The following GRIK1 variants were observed in gnomAD, a reference collection of about 807,000 sequenced individuals.
The protein encoded by GRIK1 is glutamate receptor ionotropic, kainate 1.
Under a neutral mutation model 105.7 loss-of-function variants are expected in GRIK1, and 69 were observed. The ratio of observed to expected loss-of-function variants is 0.65; its 90% CI spans 0.54 to 0.80. GRIK1 has a LOEUF of 0.80. Ranked by LOEUF, GRIK1 falls within the 30% of genes least tolerant of loss-of-function variation. The pLI is 0.00. For missense variants in GRIK1, 1,109 were observed against 1,167.3 expected, an observed-to-expected ratio of 0.95 and a Z score of 0.73; for synonymous variants, 438 against 431.3, an observed-to-expected ratio of 1.02 and a Z score of -0.19.
At chr21:29,917,941 C>T (rs908473668) in intron 1 of GRIK1, among the ~76,000 whole-genome samples, 4 of 151,924 alleles carry the variant, frequency 2.6e-5, no homozygotes, top group African/African-American at 7.3e-5. Context: ...TTAAAACACA[C>T]ACACTTTAAT....
intron 1 of GRIK1, among the ~76,000 whole-genome samples, chr21:29,739,968 GCACATGCACA>G (rs1265081234): frequency 4.6e-5 from 7 of 152,106 alleles, no homozygotes; most frequent in African/African-American, 7.2e-5. Flanking sequence ...CAACACACAT[GCACATGCACA>G]CACATGCACA....
intron 1 of GRIK1, among the ~76,000 whole-genome samples, chr21:29,796,715 G>A (rs1053779181): frequency 1.3e-5 from 2 of 152,052 alleles, no homozygotes; most frequent in Non-Finnish European, 2.9e-5. Context: ...TTGGGAGGCC[G>A]AGGTGAGCAG....
At chr21:29,593,831 TA>T (rs2061364915) in intron 9 of GRIK1, among the ~76,000 whole-genome samples, 1 of 152,202 alleles carries the variant, frequency 6.6e-6, no homozygotes, top group Non-Finnish European at 1.5e-5. Flanking sequence ...TCTTGTAAAA[TA>T]AAACTTGAAC....
chr21:29,560,282 T>TTCTTTCTTTCTTTCTTTCTTTC lies in GRIK1; in HGVS notation c.2356+1341_2356+1342insGAAAGAAAGAAAGAAAGAAAGA, dbSNP rs55736912. ...ACCAGGACCTTATATGATACAGTTT[T>TTCTTTCTTTCTTTCTTTCTTTC]CTTTCTTTCTTTCTTTCTTTCTTTC... is the stretch of plus-strand genomic sequence containing the variant. On this transcript the variant is annotated intron_variant, in intron 15 of 17. Coordinates refer to ENST00000327783, the MANE Select transcript of GRIK1 (RefSeq NM_001330994.2). Among the ~76,000 whole-genome samples the TTCTTTCTTTCTTTCTTTCTTTC allele has an allele frequency of 1.9e-3, 81 of 41,890 alleles. 2 individuals are homozygous for TTCTTTCTTTCTTTCTTTCTTTC. The highest frequency in any genetic ancestry group is 6.8e-3 in the African/African-American group (77 of 11,294). 27.5% of individuals were successfully genotyped at this position (41,890 alleles called of 152,430 possible).
chr21:29,654,629 GAGAA>G (rs1242098304), intron 5 of GRIK1, among the ~76,000 whole-genome samples, 177 bp downstream of exon 5: 2 of 105,788 alleles, frequency 1.9e-5, no homozygotes, highest in Non-Finnish European at 3.4e-5. Context: ...AAGAAAGAAA[GAGAA>G]AGAAAGAAAG....
intron 1 of GRIK1, among the ~76,000 whole-genome samples, chr21:29,872,350 C>G (rs966689284): frequency 6.6e-6 from 1 of 151,998 alleles, no homozygotes; most frequent in South Asian, 2.1e-4. Context: ...CCCGCCATGA[C>G]GCCAGCTAAT....
intron 1 of GRIK1, among the ~76,000 whole-genome samples, chr21:29,767,804 T>TTGTA (rs1194083991): frequency 6.6e-6 from 1 of 151,652 alleles, no homozygotes; most frequent in Non-Finnish European, 1.5e-5. Flanking sequence ...CAGCTGAAAT[T>TTGTA]TGTATGTATG....
chr21:29,683,204 T>A lies in GRIK1; in HGVS notation c.544+6524A>T, dbSNP rs369783417. The stretch of plus-strand genomic sequence containing the variant: ...TGGGAGTTTAAATTAGTTCAGCCAC[T>A]GTGGGAAGCAGTTTGGAGATTTCTC... On this transcript the variant is annotated intron_variant, in intron 3 of 17. Transcript: ENST00000327783. Among the ~76,000 whole-genome samples, 8 of 152,338 alleles carry A rather than the reference T, an allele frequency of 5.3e-5. No individual in the cohort carries two copies. In the East Asian group the frequency reaches 1.2e-3, roughly 22 times the overall value.
chr21:29,763,518 TAG>T (rs2065581976), intron 1 of GRIK1: 1 of 152,394 alleles, frequency 6.6e-6, no homozygotes, highest in African/African-American at 2.4e-5. Context: ...GGGTTAGTAT[TAG>T]AGTTTACATC....
chr21:29,569,273 T>C (rs2090683829), intron 14 of GRIK1, among the ~76,000 whole-genome samples: 1 of 152,246 alleles, frequency 6.6e-6, no homozygotes, highest in South Asian at 2.1e-4. Context: ...TTATAAGTGA[T>C]AGTTACAATA....
chr21:29,768,431 C>A (rs1162983127), intron 1 of GRIK1, among the ~76,000 whole-genome samples: 1 of 152,114 alleles, frequency 6.6e-6, no homozygotes, highest in Non-Finnish European at 1.5e-5. Flanking sequence ...AAAGACGATA[C>A]AACGATGCAT....
intron 1 of GRIK1, among the ~76,000 whole-genome samples, chr21:29,805,859 T>G (rs890979539): frequency 5.3e-5 from 8 of 152,124 alleles, no homozygotes; most frequent in African/African-American, 1.7e-4. Flanking sequence ...AGTCACTGAT[T>G]GTTGCTAAAA....
intron 1 of GRIK1, among the ~76,000 whole-genome samples, chr21:29,890,819 C>T (rs1186092115): frequency 2.6e-5 from 4 of 152,008 alleles, no homozygotes; most frequent in Non-Finnish European, 2.9e-5. Flanking sequence ...AAAAAGATGC[C>T]CTTGTTACAC....
intron 1 of GRIK1, among the ~76,000 whole-genome samples, chr21:29,910,513 A>C (rs1012332512): frequency 6.6e-6 from 1 of 152,172 alleles, no homozygotes; most frequent in Non-Finnish European, 1.5e-5. Context: ...TGTCAAACAA[A>C]GTCATGGTAG....
At chr21:29,855,618 G>T (rs1215980573) in intron 1 of GRIK1, among the ~76,000 whole-genome samples, 1 of 152,212 alleles carries the variant, frequency 6.6e-6, no homozygotes, top group Non-Finnish European at 1.5e-5. Flanking sequence ...CCAAAGGAGG[G>T]TTTTAAGCAG....
At chr21:29,679,186 T>G (rs928539744) in intron 3 of GRIK1, among the ~76,000 whole-genome samples, 15 of 152,172 alleles carry the variant, frequency 9.9e-5, no homozygotes, top group Admixed American at 6.5e-4. Context: ...GGTTGATTGT[T>G]TTTTTCAATC....
chr21:29,919,869 T>C lies in GRIK1; in HGVS notation c.118+19514A>G, dbSNP rs140201530. ...TATTTTAAAAATTGATATTAAACAG[T>C]GAGGACCTCTTTGTTCCTCCATTTC... On this transcript the variant is annotated intron_variant, in intron 1 of 17. Coordinates refer to ENST00000327783, the MANE Select transcript of GRIK1 (RefSeq NM_001330994.2). 1.2e-3 allele frequency among the ~76,000 whole-genome samples: 177 copies of C among 152,298 alleles called. 1 individual carries two copies. The highest frequency in any genetic ancestry group is 4.1e-3 in the African/African-American group (169 of 41,578).
chr21:29,832,291 T>A (rs2067664598), intron 1 of GRIK1, among the ~76,000 whole-genome samples: 1 of 152,148 alleles, frequency 6.6e-6, no homozygotes, highest in South Asian at 2.1e-4. Flanking sequence ...GGATCTACCA[T>A]TCCGAGGTCT....
intron 1 of GRIK1, among the ~76,000 whole-genome samples, chr21:29,860,181 C>A (rs530219231): frequency 1.3e-5 from 2 of 152,308 alleles, no homozygotes; most frequent in South Asian, 4.2e-4. Context: ...TGGTGTCTAA[C>A]TGATCCTCTT....
Sources: gnomAD v4.1 joint callset for allele counts (sites outside exome capture counted in the v4.1 genomes callset) on GRCh38, gnomAD v4.1.1 for gene constraint, MANE v1.5 for transcripts, NCBI Gene and HGNC (gene_info 2026-07-23, HGNC 2026-07-21) for gene names.